MEP1A: variants seen among roughly 807,000 people sequenced by gnomAD.
The protein encoded by MEP1A is meprin A subunit alpha.
Under a neutral mutation model 84.5 loss-of-function variants are expected in MEP1A, and 68 were observed. That is an observed-to-expected ratio of 0.80 (90% CI 0.66 to 0.98). The LOEUF (loss-of-function observed/expected upper bound fraction) is 0.98, where lower values mean the gene tolerates loss of function less well. Among genes scored for constraint, MEP1A ranks in the 50% least tolerant of loss-of-function variants. The pLI is 0.00. For synonymous variants in MEP1A, 337 were observed against 336.8 expected, an observed-to-expected ratio of 1.00 and a Z score of -0.01; for missense variants, 887 against 919.9, an observed-to-expected ratio of 0.96 and a Z score of 0.46.
intron 5 of MEP1A, among the ~76,000 whole-genome samples, chr6:46,802,730 G>A (rs1318844906): frequency 6.6e-6 from 1 of 151,744 alleles, no homozygotes; most frequent in African/African-American, 2.4e-5. Flanking sequence ...CAGATGGTAT[G>A]TTTTCATCAT....
At chr6:46,842,779 A>AG (rs961316122), downstream of MEP1A, among the ~76,000 whole-genome samples, 27 of 152,248 alleles carry the variant, frequency 1.8e-4, no homozygotes, top group Admixed American at 6.5e-4. Flanking sequence ...TTTGCAGCTT[A>AG]GGGGACATAA....
chr6:46,826,371 T>C lies in MEP1A; in HGVS notation c.796T>C (p.Leu266=), dbSNP rs1187496062. The change falls in exon 9 of 14, where the codon TTG becomes CTG. Residue 266 remains leucine, a synonymous_variant. Coordinates refer to ENST00000230588, the MANE Select transcript of MEP1A (RefSeq NM_005588.3). ...ATTTGCAGCCACAACTCACACTCTT[T>C]TGGACCACTGTACTTTTGAGAAGGC... The part of the protein sequence containing the change: ...MYNCTTTHTL[L]DHCTFEKANI... The C allele has an allele frequency of 6.2e-7, 1 of 1,605,698 alleles. No homozygotes were observed. The highest frequency in any genetic ancestry group is 1.1e-5 in the South Asian group (1 of 88,292).
At chr6:46,797,927 CTTCT>C (rs796656818) in intron 3 of MEP1A, among the ~76,000 whole-genome samples, 2,301 of 24,818 alleles carry the variant, frequency 0.093, 17 homozygotes, top group Middle Eastern at 0.16. Flanking sequence ...TCCTTCCTTC[CTTCT>C]TTCCTTCCTT....
downstream of MEP1A, among the ~76,000 whole-genome samples, chr6:46,844,081 C>T (rs1768377952): frequency 6.6e-6 from 1 of 152,100 alleles, no homozygotes; most frequent in African/African-American, 2.4e-5. Flanking sequence ...TTTCTATATG[C>T]TTATAAATAT....
intron 7 of MEP1A, among the ~76,000 whole-genome samples, chr6:46,823,425 A>G: frequency 6.6e-6 from 1 of 152,204 alleles, no homozygotes; most frequent in East Asian, 1.9e-4. Flanking sequence ...CAGCCTGGCC[A>G]ATGTGGTGAA....
intron 7 of MEP1A, among the ~76,000 whole-genome samples, chr6:46,824,810 G>A (rs12204763): frequency 0.66 from 62,346 of 94,762 alleles, 21,731 homozygotes; most frequent in African/African-American, 0.8. Context: ...TATAAATGAT[G>A]TATTTAATTA....
chr6:46,832,740 G>A (rs1363096835), intron 10 of MEP1A, among the ~76,000 whole-genome samples: 1 of 152,048 alleles, frequency 6.6e-6, no homozygotes, highest in Non-Finnish European at 1.5e-5. Context: ...TAACACTTGG[G>A]TTTTCTTTGC....
At chr6:46,803,070 A>C (rs569557067) in intron 5 of MEP1A, among the ~76,000 whole-genome samples, 2 of 151,698 alleles carry the variant, frequency 1.3e-5, no homozygotes, top group South Asian at 4.2e-4. Context: ...CTTTTGAATA[A>C]GTTTGTGTAT....
chr6:46,815,089 G>A (rs1182664040), intron 6 of MEP1A, among the ~76,000 whole-genome samples: 2 of 152,170 alleles, frequency 1.3e-5, no homozygotes, highest in Non-Finnish European at 2.9e-5. Context: ...ATGCAAACCT[G>A]CCCTAGGGAC....
downstream of MEP1A, among the ~76,000 whole-genome samples, chr6:46,844,679 AC>A (rs1768384910): frequency 6.6e-6 from 1 of 152,352 alleles, no homozygotes; most frequent in African/African-American, 2.4e-5. Flanking sequence ...CCAGCCCCCA[AC>A]AAAAATGGTC....
rs755741706 is a variant in MEP1A at position 46,825,466 on chromosome 6, G to A, written c.751G>A (p.Glu251Lys). 4.3e-6 allele frequency: 7 copies of A among 1,613,236 alleles called. No individual in the cohort carries two copies. The highest frequency in any genetic ancestry group is 1.3e-5 in the African/African-American group (1 of 74,912). The part of the protein sequence containing the change: ...QRLDFSAIDL[E>K]RLNRMYNCTT... ...CCTGGATTTCAGTGCCATTGATTTA[G>A]AGAGGCTGAACCGAATGTACAATTG... is the stretch of plus-strand genomic sequence containing the variant. Residue 251 changes from glutamate (E) to lysine (K), a missense_variant, in exon 8 of 14, where the codon GAG becomes AAG. Coordinates refer to ENST00000230588, the MANE Select transcript of MEP1A (RefSeq NM_005588.3).
intron 7 of MEP1A, among the ~76,000 whole-genome samples, chr6:46,823,989 G>A (rs1196800000): frequency 1.3e-5 from 2 of 152,114 alleles, no homozygotes. Flanking sequence ...ACAGAAGGAT[G>A]TGAGCCTTGA....
At chr6:46,802,993 A>G (rs1423048238) in intron 5 of MEP1A, among the ~76,000 whole-genome samples, 1 of 151,584 alleles carries the variant, frequency 6.6e-6, no homozygotes, top group East Asian at 1.9e-4. Flanking sequence ...TAATATCTTT[A>G]TTAGGCTTTA....
chr6:46,828,240 T>TG (rs1397920119), intron 9 of MEP1A, among the ~76,000 whole-genome samples: 2 of 151,850 alleles, frequency 1.3e-5, no homozygotes, highest in African/African-American at 4.8e-5. Flanking sequence ...TGCGCTGTTT[T>TG]TTTTTTTTTT....
chr6:46,831,940 G>A (rs1768086851), intron 10 of MEP1A, among the ~76,000 whole-genome samples: 1 of 152,022 alleles, frequency 6.6e-6, no homozygotes. Context: ...CCTCTCTCCT[G>A]TGTTCCCATG....
chr6:46,835,877 G>A (rs145298278), intron 13 of MEP1A, among the ~76,000 whole-genome samples: 1,830 of 152,322 alleles, frequency 0.012, 42 homozygotes, highest in African/African-American at 0.041. Context: ...TCTACTCCAT[G>A]AGGGTGGGTC....
chr6:46,834,285 C>T lies in MEP1A; in HGVS notation c.1610-293C>T, dbSNP rs567496439. 3.8e-3 allele frequency among the ~76,000 whole-genome samples: 580 copies of T among 151,892 alleles called. 10 individuals are homozygous for T. The highest frequency in any genetic ancestry group is 0.024 in the Middle Eastern group (7 of 294). Reference sequence around the variant, plus strand: ...TTAGAAGAAAGAAGCCGTAGCTGTCCCTCTCTTTTCATTAAGAAAGTCGCT... The same window carrying T: ...TTAGAAGAAAGAAGCCGTAGCTGTCTCTCTCTTTTCATTAAGAAAGTCGCT... On this transcript the variant is annotated intron_variant, in intron 11 of 13. Transcript: ENST00000230588.
At chr6:46,809,837 A>T (rs200155835) in intron 6 of MEP1A, among the ~76,000 whole-genome samples, 51 of 58,872 alleles carry the variant, frequency 8.7e-4, no homozygotes, top group Non-Finnish European at 1.6e-3. Context: ...TTTTACATAT[A>T]TTTTTTTTTC....
At chr6:46,843,706 G>A (rs968960519), downstream of MEP1A, among the ~76,000 whole-genome samples, 1 of 152,134 alleles carries the variant, frequency 6.6e-6, no homozygotes, top group African/African-American at 2.4e-5. Context: ...TTCCTATATG[G>A]AGGCATTCAC....
Sources: gnomAD v4.1 joint callset for allele counts (sites outside exome capture counted in the v4.1 genomes callset) on GRCh38, gnomAD v4.1.1 for gene constraint, MANE v1.5 for transcripts, NCBI Gene and HGNC (gene_info 2026-07-23, HGNC 2026-07-21) for gene names.